The following EMCN variants were observed in gnomAD, a reference collection of about 807,000 sequenced individuals.
EMCN encodes endomucin.
In EMCN, 37 loss-of-function variants were observed where a neutral mutation model predicts 38.4. That is an observed-to-expected ratio of 0.96 (90% CI 0.74 to 1.27). The LOEUF (loss-of-function observed/expected upper bound fraction) is 1.27, where lower values mean the gene tolerates loss of function less well. Among genes scored for constraint, EMCN ranks in the 50% most tolerant of loss-of-function variants. EMCN has a pLI of 0.00. For synonymous variants in EMCN, 95 were observed against 100.8 expected (o/e 0.94, Z 0.35); for missense variants, 318 against 302.8 (o/e 1.05, Z -0.37).
chr4:100,488,898 A>AT (rs1372261096), intron 1 of EMCN, among the ~76,000 whole-genome samples: 2 of 152,004 alleles, frequency 1.3e-5, no homozygotes. Context: ...ATCAGAGAGA[A>AT]TTTTTTTTGC....
At chr4:100,469,304 C>A (rs1248936882) in intron 3 of EMCN, among the ~76,000 whole-genome samples, 3 of 152,080 alleles carry the variant, frequency 2.0e-5, no homozygotes, top group Non-Finnish European at 2.9e-5. Context: ...AGGGGCAAAT[C>A]TCCTTCACAT....
intron 10 of EMCN, among the ~76,000 whole-genome samples, chr4:100,415,264 T>C (rs1726692005): frequency 6.6e-6 from 1 of 152,218 alleles, no homozygotes; most frequent in Non-Finnish European, 1.5e-5. Context: ...GGTTTAAATG[T>C]CTAATCTACT....
chr4:100,420,000 A>G (rs554035599), intron 8 of EMCN, among the ~76,000 whole-genome samples: 8 of 152,252 alleles, frequency 5.3e-5, no homozygotes, highest in African/African-American at 1.9e-4. Flanking sequence ...GCTTATATAC[A>G]TTATAAAAAT....
intron 1 of EMCN, among the ~76,000 whole-genome samples, chr4:100,499,053 T>C (rs906055324): frequency 6.6e-6 from 1 of 152,022 alleles, no homozygotes; most frequent in African/African-American, 2.4e-5. Context: ...TAGAAGTTAA[T>C]GTTCCATTTT....
chr4:100,411,234 C>A (rs1220916800), intron 10 of EMCN, among the ~76,000 whole-genome samples: 1 of 152,162 alleles, frequency 6.6e-6, no homozygotes, highest in African/African-American at 2.4e-5. Flanking sequence ...TCCTTCGATT[C>A]TATGCTCTGA....
intron 5 of EMCN, among the ~76,000 whole-genome samples, chr4:100,442,684 T>A (rs1225197256): frequency 6.6e-6 from 1 of 152,110 alleles, no homozygotes; most frequent in African/African-American, 2.4e-5. Flanking sequence ...TTTATTTCAT[T>A]GATTGAATTC....
chr4:100,501,825 A>G (rs984976073), intron 1 of EMCN, among the ~76,000 whole-genome samples: 5 of 151,152 alleles, frequency 3.3e-5, no homozygotes, highest in Admixed American at 2.6e-4. Context: ...TTATATACAG[A>G]GACCCTGATA....
chr4:100,455,602 T>C (rs1398206548), intron 4 of EMCN, among the ~76,000 whole-genome samples: 1 of 151,542 alleles, frequency 6.6e-6, no homozygotes, highest in Non-Finnish European at 1.5e-5. Context: ...ATTTTTATCA[T>C]TGTTCTTCTC....
intron 3 of EMCN, among the ~76,000 whole-genome samples, chr4:100,470,468 G>A (rs1728446612): frequency 6.6e-6 from 1 of 151,322 alleles, no homozygotes; most frequent in Non-Finnish European, 1.5e-5. Context: ...AAACATTGTG[G>A]AAGACAGTAT....
intron 11 of EMCN, among the ~76,000 whole-genome samples, chr4:100,408,151 G>A (rs10433978): frequency 0.17 from 26,423 of 152,090 alleles, 3,824 homozygotes; most frequent in East Asian, 0.77. Flanking sequence ...CAGATTCCTC[G>A]GAATGGGTTT....
At chr4:100,438,819 T>C (rs1727427168) in intron 5 of EMCN, among the ~76,000 whole-genome samples, 1 of 152,020 alleles carries the variant, frequency 6.6e-6, no homozygotes, top group Non-Finnish European at 1.5e-5. Context: ...TTTTGAAAAA[T>C]GCTTTTTCTG....
chr4:100,446,194 C>A, intron 5 of EMCN: 2 of 985,256 alleles, frequency 2.0e-6, no homozygotes, highest in Non-Finnish European at 2.4e-6. Flanking sequence ...TGACTGGATG[C>A]ACTGTTTTTG....
intron 1 of EMCN, among the ~76,000 whole-genome samples, chr4:100,501,580 T>C (rs1729350853): frequency 6.6e-6 from 1 of 152,132 alleles, no homozygotes; most frequent in Non-Finnish European, 1.5e-5. Context: ...TATACAAAAT[T>C]ATAAAAAGCT....
At chr4:100,417,721 A>G (rs528371014) in intron 8 of EMCN, among the ~76,000 whole-genome samples, 2 of 152,294 alleles carry the variant, frequency 1.3e-5, no homozygotes, top group South Asian at 4.1e-4. Context: ...GCTGCTTCAC[A>G]GCTGTCTGAT....
At chr4:100,479,256 A>G (rs1047510544) in intron 2 of EMCN, among the ~76,000 whole-genome samples, 1 of 146,734 alleles carries the variant, frequency 6.8e-6, no homozygotes, top group African/African-American at 2.5e-5. Context: ...TTGTCCATAG[A>G]CAATCCACAA....
At chr4:100,402,113 T>A (rs1261688993) in intron 11 of EMCN, among the ~76,000 whole-genome samples, 1 of 152,174 alleles carries the variant, frequency 6.6e-6, no homozygotes, top group Non-Finnish European at 1.5e-5. Context: ...AAGCTGCTTC[T>A]ACGTATTTGC....
intron 3 of EMCN, among the ~76,000 whole-genome samples, chr4:100,470,843 T>G (rs1177872286): frequency 6.6e-6 from 1 of 151,876 alleles, no homozygotes; most frequent in Non-Finnish European, 1.5e-5. Context: ...TGAGAACACA[T>G]GAACACATAG....
chr4:100,421,619 C>T (rs1029037821), intron 7 of EMCN, among the ~76,000 whole-genome samples: 2 of 152,002 alleles, frequency 1.3e-5, no homozygotes, highest in African/African-American at 4.8e-5. Flanking sequence ...AGAGAGAGTG[C>T]CCCCATCTTC....
chr4:100,456,304 A>T (rs1261670455), intron 4 of EMCN, among the ~76,000 whole-genome samples: 1 of 152,150 alleles, frequency 6.6e-6, no homozygotes, highest in Non-Finnish European at 1.5e-5. Context: ...ACTTTATGGT[A>T]CATTTGCTTT....
Sources: gnomAD v4.1 joint callset for allele counts (sites outside exome capture counted in the v4.1 genomes callset) on GRCh38, gnomAD v4.1.1 for gene constraint, MANE v1.5 for transcripts, NCBI Gene and HGNC (gene_info 2026-07-23, HGNC 2026-07-21) for gene names.